Variants in NHSL1 observed in about 807,000 individuals in gnomAD.
The protein encoded by NHSL1 is NHS-like protein 1.
In NHSL1, 48 loss-of-function variants were observed where a neutral mutation model predicts 95.0. That is an observed-to-expected ratio of 0.51 (90% CI 0.40 to 0.64). NHSL1 has a LOEUF of 0.64. NHSL1 is among the 30% of genes least tolerant of loss of function. The pLI is 0.00. For synonymous variants in NHSL1, 783 were observed against 833.9 expected (o/e 0.94, Z 1.05); for missense variants, 1,971 against 2,077.7 (o/e 0.95, Z 1.00).
chr6:138,593,805 C>T (rs1784265571), intron 1 of NHSL1, among the ~76,000 whole-genome samples: 1 of 152,186 alleles, frequency 6.6e-6, no homozygotes, highest in South Asian at 2.1e-4. Flanking sequence ...TAGTAAACTG[C>T]TTTGCCAAGC....
intron 2 of NHSL1, among the ~76,000 whole-genome samples, chr6:138,491,240 G>A (rs905195749): frequency 2.6e-5 from 4 of 152,160 alleles, no homozygotes; most frequent in African/African-American, 9.7e-5. Flanking sequence ...AATTCAGGCA[G>A]GAATGTACAC....
intron 1 of NHSL1, among the ~76,000 whole-genome samples, chr6:138,553,486 C>CACTT (rs1783085333): frequency 6.6e-6 from 1 of 152,214 alleles, no homozygotes; most frequent in Non-Finnish European, 1.5e-5. Flanking sequence ...TGCTCATTCA[C>CACTT]ACTTAACTTC....
intron 1 of NHSL1, among the ~76,000 whole-genome samples, chr6:138,651,364 C>T (rs551032668): frequency 6.6e-6 from 1 of 152,346 alleles, no homozygotes; most frequent in Non-Finnish European, 1.5e-5. Context: ...TTCTAAACAT[C>T]TACTAATAAG....
Position 138,432,330 on chromosome 6 carries a change from G to A in NHSL1, c.2015C>T (p.Pro672Leu). 1 of 1,551,734 alleles carries A rather than the reference G, an allele frequency of 6.4e-7. No individual in the cohort carries two copies. Among genetic ancestry groups the A allele is most frequent in the Non-Finnish European group, 8.7e-7 (1 of 1,147,010 alleles). The stretch of plus-strand genomic sequence containing the variant: ...GGAGTCTGTCCGGGAGGGTGGCAGG[G>A]GAGGCTTCTTTGCTTTCTTCAAAGA... ...NISLKKAKKP[P>L]LPPSRTDSLR... The change falls in exon 6 of 8, where the codon CCC (proline) becomes CTC (leucine). Residue 672 changes from proline (P) to leucine (L), a missense_variant. Transcript: ENST00000343505. The surrounding 1 kb of genome is among the most constrained non-coding windows in gnomAD (Gnocchi z 4.4).
exon 1 of NHSL1, chr6:138,572,461 A>G (rs1331327800): frequency 6.5e-6 from 1 of 153,160 alleles, no homozygotes; most frequent in African/African-American, 2.4e-5. Context: ...GGAGAAATCA[A>G]AGAGCTCAGC....
At chr6:138,464,378 G>A (rs988458724) in intron 3 of NHSL1, 13 of 458,482 alleles carry the variant, frequency 2.8e-5, no homozygotes, top group Non-Finnish European at 3.6e-5. Context: ...CGCTGCCTTC[G>A]CCAGGCACTT....
intron 1 of NHSL1, among the ~76,000 whole-genome samples, chr6:138,627,844 G>A (rs1373434979): frequency 6.6e-6 from 1 of 151,876 alleles, no homozygotes; most frequent in African/African-American, 2.4e-5. Flanking sequence ...TTGTGCCACT[G>A]CACTCCAGCC....
chr6:138,448,133 C>A (rs1485369877), intron 3 of NHSL1, among the ~76,000 whole-genome samples: 2 of 152,118 alleles, frequency 1.3e-5, no homozygotes, highest in Non-Finnish European at 2.9e-5. Context: ...ACTGAAGAGC[C>A]CTTCTTCAAT....
chr6:138,664,511 G>C (rs1785270355), intron 1 of NHSL1, among the ~76,000 whole-genome samples: 1 of 152,226 alleles, frequency 6.6e-6, no homozygotes, highest in Non-Finnish European at 1.5e-5. Flanking sequence ...GAGAGGAATT[G>C]TCTGTCAAAG....
At chr6:138,617,634 T>C (rs1317303493) in intron 1 of NHSL1, among the ~76,000 whole-genome samples, 1 of 152,274 alleles carries the variant, frequency 6.6e-6, no homozygotes, top group Admixed American at 6.5e-5. Flanking sequence ...AAATAGACAA[T>C]GAGAACAATG....
chr6:138,511,716 A>T (rs1781239062), intron 1 of NHSL1, among the ~76,000 whole-genome samples: 1 of 152,170 alleles, frequency 6.6e-6, no homozygotes, highest in Non-Finnish European at 1.5e-5. Flanking sequence ...TGGGCAGATC[A>T]CTTGAGCCCA....
chr6:138,668,858 G>A (rs1332058664), intron 1 of NHSL1, among the ~76,000 whole-genome samples: 2 of 152,108 alleles, frequency 1.3e-5, no homozygotes, highest in Non-Finnish European at 2.9e-5. Flanking sequence ...TCCTGACCTT[G>A]TGATCCACCC....
intron 2 of NHSL1, among the ~76,000 whole-genome samples, chr6:138,483,753 C>A (rs376306560): frequency 3.3e-5 from 5 of 152,248 alleles, no homozygotes; most frequent in East Asian, 1.9e-4. Flanking sequence ...AATGTAAAAG[C>A]CAAAATCCTC....
chr6:138,676,030 C>T (rs890295032), intron 1 of NHSL1, among the ~76,000 whole-genome samples: 4 of 152,058 alleles, frequency 2.6e-5, no homozygotes, highest in East Asian at 1.9e-4. Context: ...TAGAGATTAC[C>T]GGCATATAAT....
At chr6:138,483,438 C>T (rs1355405964) in intron 2 of NHSL1, among the ~76,000 whole-genome samples, 4 of 152,288 alleles carry the variant, frequency 2.6e-5, no homozygotes, top group African/African-American at 7.2e-5. Flanking sequence ...CTAAAGAATG[C>T]CATTTTGTTT....
chr6:138,483,588 C>T (rs924014215), intron 2 of NHSL1, among the ~76,000 whole-genome samples: 1 of 152,200 alleles, frequency 6.6e-6, no homozygotes, highest in Non-Finnish European at 1.5e-5. Flanking sequence ...ATCAGGCCTC[C>T]ACCATCTCTC....
chr6:138,648,830 T>G (rs553476062), intron 1 of NHSL1, among the ~76,000 whole-genome samples: 14 of 152,300 alleles, frequency 9.2e-5, no homozygotes, highest in Admixed American at 1.3e-4. Flanking sequence ...GCAAGAATTT[T>G]TTTTTTTAAC....
intron 7 of NHSL1, among the ~76,000 whole-genome samples, chr6:138,426,398 C>G (rs1775263508): frequency 6.6e-6 from 1 of 152,194 alleles, no homozygotes; most frequent in African/African-American, 2.4e-5. Flanking sequence ...AAGAAGCTAG[C>G]TACATAACTC....
chr6:138,620,052 AT>A lies in NHSL1; in HGVS notation c.96+72423del, dbSNP rs550215406. Among the ~76,000 whole-genome samples, 22 of 151,594 alleles carry A rather than the reference AT, an allele frequency of 1.5e-4. 1 individual carries two copies. In the South Asian group the frequency reaches 1.5e-3, roughly 10 times the overall value. ...AATAATCAGTTTTTAAACTGTATTA[AT>A]TTTTTTTTAAAGATACTCCTTAACA... On this transcript the variant is annotated intron_variant, in intron 1 of 3. Transcript: ENST00000491526.
Sources: gnomAD v4.1 joint callset for allele counts (sites outside exome capture counted in the v4.1 genomes callset) on GRCh38, gnomAD v4.1.1 for gene constraint, Gnocchi (gnomAD v3.1) non-coding constraint, MANE v1.5 for transcripts, NCBI Gene and HGNC (gene_info 2026-07-23, HGNC 2026-07-21) for gene names.